MYT1L: variants seen among roughly 807,000 people sequenced by gnomAD.
MYT1L encodes myelin transcription factor 1-like protein.
MYT1L carries 12 observed loss-of-function variants against 126.7 expected under a neutral mutation model. The observed-to-expected ratio is 0.09, with a 90% CI of 0.06 to 0.15. MYT1L has a LOEUF of 0.15. Ranked by LOEUF, MYT1L falls within the 10% of genes least tolerant of loss-of-function variation. The pLI, the probability that MYT1L is intolerant of heterozygous loss-of-function variation, is 1.00. For synonymous variants in MYT1L, 541 were observed against 604.2 expected (o/e 0.90, Z 1.53); for missense variants, 979 against 1,585.2 (o/e 0.62, Z 6.49).
intron 2 of MYT1L, among the ~76,000 whole-genome samples, chr2:2,194,201 T>A (rs2092707411): frequency 6.6e-6 from 1 of 151,994 alleles, no homozygotes; most frequent in African/African-American, 2.4e-5. Flanking sequence ...CACCTTAGCC[T>A]CCTAAGTAGC....
At position 1,999,979 on chromosome 2, in the gene MYT1L, T is replaced by C. The variant is rs193004870; in HGVS notation, c.-157-2632A>G. Among the ~76,000 whole-genome samples the C allele has an allele frequency of 9.8e-5, 15 of 152,328 alleles. 1 individual carries two copies. The highest frequency in any genetic ancestry group is 2.4e-4 in the African/African-American group (10 of 41,576). ...CTCATTGGTGGGATTTTATGAACAATAACCTTATGCTAGACAATGCTCCTT... is the reference window on the plus strand; with the variant it reads ...CTCATTGGTGGGATTTTATGAACAACAACCTTATGCTAGACAATGCTCCTT... On this transcript the variant is annotated intron_variant, in intron 4 of 24. Coordinates refer to ENST00000647738, the MANE Select transcript of MYT1L (RefSeq NM_001303052.2).
intron 2 of MYT1L, among the ~76,000 whole-genome samples, chr2:2,268,365 A>C (rs1330762566): frequency 1.3e-5 from 2 of 152,324 alleles, no homozygotes; most frequent in Admixed American, 1.3e-4. Flanking sequence ...ACATGGGGGA[A>C]CAGAGTGGAA....
At position 1,929,494 on chromosome 2, in the gene MYT1L, C is replaced by G. The variant is rs1330560420; in HGVS notation, c.506-6231G>C. 6.6e-6 allele frequency among the ~76,000 whole-genome samples: 1 copy of G among 152,222 alleles called. No homozygotes were observed. Among genetic ancestry groups the G allele is most frequent in the African/African-American group, 2.4e-5 (1 of 41,464 alleles). ...CCCTGCCAGGCCGCACTGTCCCTGGCTCCGCTCTAGCCATCACCGTCACGC... is the reference window on the plus strand; with the variant it reads ...CCCTGCCAGGCCGCACTGTCCCTGGGTCCGCTCTAGCCATCACCGTCACGC... On this transcript the variant is annotated intron_variant, in intron 9 of 24. Transcript: ENST00000647738. The surrounding 1 kb of genome is among the most constrained non-coding windows in gnomAD (Gnocchi z 4.7).
intron 9 of MYT1L, among the ~76,000 whole-genome samples, chr2:1,924,582 T>C (rs142652697): frequency 5.0e-4 from 76 of 152,224 alleles, no homozygotes; most frequent in Non-Finnish European, 9.9e-4. Flanking sequence ...AGACTTGGAG[T>C]TCAATATGTC....
intron 4 of MYT1L, among the ~76,000 whole-genome samples, chr2:2,041,469 A>G (rs1200567576): frequency 6.6e-6 from 1 of 152,212 alleles, no homozygotes; most frequent in Non-Finnish European, 1.5e-5. Flanking sequence ...ATTGGAATTA[A>G]TTGCAGATTG....
At chr2:2,049,870 A>AT (rs1290728273) in intron 4 of MYT1L, among the ~76,000 whole-genome samples, 13 of 152,292 alleles carry the variant, frequency 8.5e-5, no homozygotes, top group African/African-American at 2.9e-4. Context: ...CTGTGAGTCC[A>AT]TTAAACCTCT....
chr2:1,956,643 T>G (rs1383164698), intron 8 of MYT1L, among the ~76,000 whole-genome samples: 2 of 150,276 alleles, frequency 1.3e-5, no homozygotes, highest in Non-Finnish European at 3.0e-5. Context: ...TATCTAGCTA[T>G]CTATTTATCT....
At chr2:1,820,343 G>C (rs938872933) in intron 21 of MYT1L, among the ~76,000 whole-genome samples, 10 of 152,064 alleles carry the variant, frequency 6.6e-5, no homozygotes, top group Admixed American at 6.6e-5. Flanking sequence ...CTTTGTCTCT[G>C]TTTGTCCCTC....
rs1305134462 is a variant in MYT1L, at chr2:1,852,717, G to A, written c.2712-1014C>T. Among the ~76,000 whole-genome samples, 1 of 152,030 alleles carries A rather than the reference G, an allele frequency of 6.6e-6. No homozygotes were observed. The highest frequency in any genetic ancestry group is 6.6e-5 in the Admixed American group (1 of 15,256). On this transcript the variant is annotated intron_variant, in intron 18 of 24. Coordinates refer to ENST00000647738, the MANE Select transcript of MYT1L (RefSeq NM_001303052.2). This position sits in a 1 kb window ranked among gnomAD's most constrained non-coding sequence, Gnocchi z 4.0. ...ATTACATTTGTAATTCTCCAAAAAT[G>A]ACAAGGAGAAAGCAACTTAGTGAGC...
At chr2:1,914,186 G>A (rs936624142) in intron 11 of MYT1L, among the ~76,000 whole-genome samples, 2 of 152,082 alleles carry the variant, frequency 1.3e-5, no homozygotes, top group South Asian at 2.1e-4. Flanking sequence ...CCCACGGGGC[G>A]GAGGTTGCAG....
At chr2:1,890,585 T>C (rs2048737967) in intron 15 of MYT1L, among the ~76,000 whole-genome samples, 1 of 152,066 alleles carries the variant, frequency 6.6e-6, no homozygotes, top group South Asian at 2.1e-4. Flanking sequence ...GCATCAATAA[T>C]TCTGCAGCAC....
At chr2:1,976,119 C>CAAAAAAAAAA (rs10622987) in intron 8 of MYT1L, among the ~76,000 whole-genome samples, 1 of 104,264 alleles carries the variant, frequency 9.6e-6, no homozygotes, top group African/African-American at 3.3e-5. Flanking sequence ...GTTAAAAGAC[C>CAAAAAAAAAA]AAAAAAAAAA....
chr2:2,135,224 A>T (rs1288119928), intron 3 of MYT1L, among the ~76,000 whole-genome samples: 3 of 152,158 alleles, frequency 2.0e-5, no homozygotes, highest in African/African-American at 7.2e-5. Context: ...TAATTGAATC[A>T]TGGAGGTGGG....
At position 1,848,019 on chromosome 2, in the gene MYT1L, G is replaced by A. The variant is rs548713443; in HGVS notation, c.2774+3622C>T. Among the ~76,000 whole-genome samples the A allele has an allele frequency of 1.1e-4, 17 of 152,294 alleles. No homozygotes were observed. In the South Asian group the frequency reaches 3.5e-3, roughly 32 times the overall value. On this transcript the variant is annotated intron_variant, in intron 19 of 24. Transcript: ENST00000647738. This position sits in a 1 kb window ranked among gnomAD's most constrained non-coding sequence, Gnocchi z 4.8. ...GTGGGACTCGGAGTCAGACGACATG[G>A]GCTCCAGTTGCAGCTCTGCTACTGA...
intron 19 of MYT1L, among the ~76,000 whole-genome samples, chr2:1,850,162 T>G (rs1286053323): frequency 9.5e-6 from 1 of 105,722 alleles, no homozygotes. Context: ...TCCCCTTCCC[T>G]TCCCTTCCCC....
chr2:2,047,639 A>G (rs2068350729), intron 4 of MYT1L, among the ~76,000 whole-genome samples: 1 of 152,230 alleles, frequency 6.6e-6, no homozygotes, highest in South Asian at 2.1e-4. Flanking sequence ...TTTTCATGAT[A>G]AAAATTTGGC....
At chr2:2,303,358 TC>T (rs1341427845) in intron 1 of MYT1L, 1 of 152,306 alleles carries the variant, frequency 6.6e-6, no homozygotes, top group East Asian at 1.9e-4. Flanking sequence ...GCCCTCTTCT[TC>T]CTTTATACCC....
chr2:2,321,164 G>A (rs531811606), intron 1 of MYT1L, among the ~76,000 whole-genome samples: 2 of 152,294 alleles, frequency 1.3e-5, no homozygotes, highest in African/African-American at 4.8e-5. Context: ...GCCTGTGCCT[G>A]GCCCTCAAGA....
At chr2:1,952,025 A>G (rs1471433270) in intron 8 of MYT1L, among the ~76,000 whole-genome samples, 1 of 152,202 alleles carries the variant, frequency 6.6e-6, no homozygotes. Context: ...AAAATATTAC[A>G]TTAAATATAT....
Sources: allele counts gnomAD v4.1 joint callset (sites outside exome capture counted in the v4.1 genomes callset), GRCh38; gene constraint gnomAD v4.1.1; non-coding constraint Gnocchi (gnomAD v3.1); transcripts MANE v1.5; gene names NCBI Gene and HGNC (gene_info 2026-07-23, HGNC 2026-07-21).